Variants in TGFBR3 observed in about 807,000 individuals in gnomAD.
TGFBR3 encodes transforming growth factor beta receptor 3, also known as transforming growth factor beta receptor type 3.
TGFBR3 carries 46 observed loss-of-function variants against 87.9 expected under a neutral mutation model. That is an observed-to-expected ratio of 0.52 (90% CI 0.41 to 0.67). The LOEUF (loss-of-function observed/expected upper bound fraction) is 0.67. Among genes scored for constraint, TGFBR3 ranks in the 30% least tolerant of loss-of-function variants. The pLI is 0.00. For synonymous variants in TGFBR3, 381 were observed against 391.6 expected, an observed-to-expected ratio of 0.97 and a Z score of 0.32; for missense variants, 866 against 1,041.9, an observed-to-expected ratio of 0.83 and a Z score of 2.32.
intron 16 of TGFBR3, among the ~76,000 whole-genome samples, chr1:91,685,592 G>C (rs1373264861): frequency 6.6e-6 from 1 of 152,100 alleles, no homozygotes; most frequent in African/African-American, 2.4e-5. Flanking sequence ...ATAGTGCTGG[G>C]ATTACAGGCG....
chr1:91,792,929 C>T lies in TGFBR3; in HGVS notation c.246+4358G>A, dbSNP rs141823188. On this transcript the variant is annotated intron_variant, in intron 3 of 16. Transcript: ENST00000212355. The stretch of plus-strand genomic sequence containing the variant: ...TGTTCGCTTCCAAGGCTGTTGTTTC[C>T]GAAACCAATGATTACAAATGAGAGG... Among the ~76,000 whole-genome samples, 475 of 152,270 alleles carry T rather than the reference C, an allele frequency of 3.1e-3. 2 individuals carry two copies. Among genetic ancestry groups the T allele is most frequent in the African/African-American group, 0.011 (459 of 41,550 alleles).
Position 91,838,323 on chromosome 1 carries a change from T to A in TGFBR3, c.61+23148A>T, listed in dbSNP as rs183540214. Among the ~76,000 whole-genome samples, 411 of 152,316 alleles carry A rather than the reference T, an allele frequency of 2.7e-3. 3 individuals carry two copies. The highest frequency in any genetic ancestry group is 9.6e-3 in the African/African-American group (400 of 41,574). On this transcript the variant is annotated intron_variant, in intron 2 of 16. Coordinates refer to ENST00000212355, the MANE Select transcript of TGFBR3 (RefSeq NM_003243.5). The stretch of plus-strand genomic sequence containing the variant: ...TAGAAATTAAAACTGAGGAAATTTT[T>A]AAATATTTATTAATTCACTAAAAAC...
intron 3 of TGFBR3, among the ~76,000 whole-genome samples, chr1:91,795,917 G>T (rs1412345150): frequency 6.6e-6 from 1 of 152,152 alleles, no homozygotes; most frequent in East Asian, 1.9e-4. Context: ...CTCTGCACAC[G>T]TTCATGAGAT....
At chr1:91,803,541 T>G (rs1427829578) in intron 2 of TGFBR3, among the ~76,000 whole-genome samples, 7 of 146,638 alleles carry the variant, frequency 4.8e-5, no homozygotes, top group Admixed American at 6.8e-5. Context: ...CTGAACTGCT[T>G]TTTTTTTTTT....
intron 14 of TGFBR3, among the ~76,000 whole-genome samples, chr1:91,700,005 G>A (rs989078978): frequency 7.2e-5 from 11 of 152,168 alleles, no homozygotes; most frequent in South Asian, 4.1e-4. Context: ...ATTTCATGAC[G>A]TGAAAATTAT....
chr1:91,743,688 T>C (rs1324579126), intron 4 of TGFBR3, among the ~76,000 whole-genome samples: 6 of 152,252 alleles, frequency 3.9e-5, no homozygotes, highest in Non-Finnish European at 7.3e-5. Flanking sequence ...TGTTAAGTAT[T>C]TGTTTGATAA....
chr1:91,820,300 T>C (rs1676393626), intron 2 of TGFBR3, among the ~76,000 whole-genome samples: 1 of 152,172 alleles, frequency 6.6e-6, no homozygotes, highest in Non-Finnish European at 1.5e-5. Context: ...ACACCTACTG[T>C]ACTACACCAT....
intron 14 of TGFBR3, among the ~76,000 whole-genome samples, chr1:91,700,851 T>C (rs979013927): frequency 7.2e-5 from 11 of 152,178 alleles, no homozygotes; most frequent in African/African-American, 2.2e-4. Flanking sequence ...AAGAACTCTA[T>C]GAAGGAAGAG....
At chr1:91,873,744 C>T (rs540078852) in intron 1 of TGFBR3, among the ~76,000 whole-genome samples, 1 of 152,228 alleles carries the variant, frequency 6.6e-6, no homozygotes, top group East Asian at 1.9e-4. Context: ...ATCAGAAATT[C>T]AAGACCAGGC....
chr1:91,820,017 G>C (rs545408107), intron 2 of TGFBR3, among the ~76,000 whole-genome samples: 170 of 152,278 alleles, frequency 1.1e-3, no homozygotes, highest in African/African-American at 4.0e-3. Context: ...TTCTTTATGA[G>C]ATTATTATAA....
At chr1:91,694,416 G>C (rs1671364082) in intron 16 of TGFBR3, among the ~76,000 whole-genome samples, 2 of 152,216 alleles carry the variant, frequency 1.3e-5, no homozygotes, top group Admixed American at 6.5e-5. Context: ...TCCCATGCTA[G>C]GCATGAAAGA....
At chr1:91,790,104 G>C (rs1326118116) in intron 3 of TGFBR3, among the ~76,000 whole-genome samples, 1 of 152,170 alleles carries the variant, frequency 6.6e-6, no homozygotes, top group Non-Finnish European at 1.5e-5. Context: ...AGAAAAAAGA[G>C]AGAGAGAGAG....
intron 3 of TGFBR3, among the ~76,000 whole-genome samples, chr1:91,792,152 A>G (rs1322665853): frequency 6.6e-6 from 1 of 152,166 alleles, no homozygotes; most frequent in Admixed American, 6.5e-5. Context: ...CCAAATTTCA[A>G]ACACAATCAT....
At chr1:91,904,559 G>A (rs1451860241) in intron 1 of TGFBR3, among the ~76,000 whole-genome samples, 1 of 141,034 alleles carries the variant, frequency 7.1e-6, no homozygotes, top group Non-Finnish European at 1.5e-5. Flanking sequence ...ACCACATGCA[G>A]CTGATTTTTT....
At chr1:91,852,306 ACAGGTC>A (rs1677767409) in intron 2 of TGFBR3, among the ~76,000 whole-genome samples, 1 of 151,984 alleles carries the variant, frequency 6.6e-6, no homozygotes, top group Admixed American at 6.5e-5. Context: ...CCACACACAC[ACAGGTC>A]CATACAGGGC....
At chr1:91,874,010 G>A (rs1678688295) in intron 1 of TGFBR3, among the ~76,000 whole-genome samples, 1 of 151,944 alleles carries the variant, frequency 6.6e-6, no homozygotes, top group African/African-American at 2.4e-5. Flanking sequence ...TTTATCAAGT[G>A]CCTGCTTCAT....
At chr1:91,766,973 C>G (rs1389724028) in intron 3 of TGFBR3, among the ~76,000 whole-genome samples, 1 of 133,520 alleles carries the variant, frequency 7.5e-6, no homozygotes, top group Non-Finnish European at 1.6e-5. Context: ...ACCCAAAACC[C>G]TTAAAAACTC....
rs190787610 is a variant in TGFBR3 at position 91,682,863 on chromosome 1, T to C, written c.*876A>G. On this transcript the variant is annotated 3_prime_UTR_variant, in exon 17 of 17. Coordinates refer to ENST00000212355, the MANE Select transcript of TGFBR3 (RefSeq NM_003243.5). ...ACTTGTACTTGCATACACATAGAAA[T>C]ATATCACTGTGCAAATTCGTCCTTG... The C allele has an allele frequency of 1.5e-4, 69 of 453,154 alleles. No individual in the cohort carries two copies. The highest frequency in any genetic ancestry group is 1.3e-3 in the Admixed American group (55 of 42,572). 28.1% of individuals were successfully genotyped at this position (453,154 alleles called of 1,614,324 possible).
chr1:91,686,328 A>G (rs943567184), intron 16 of TGFBR3, among the ~76,000 whole-genome samples: 7 of 152,204 alleles, frequency 4.6e-5, no homozygotes, highest in African/African-American at 1.4e-4. Context: ...TGGTAATGCA[A>G]AACACTTCAA....
Sources: gnomAD v4.1 joint callset for allele counts (sites outside exome capture counted in the v4.1 genomes callset) on GRCh38, gnomAD v4.1.1 for gene constraint, MANE v1.5 for transcripts, NCBI Gene and HGNC (gene_info 2026-07-23, HGNC 2026-07-21) for gene names.